RBMS3: variants seen among roughly 807,000 people sequenced by gnomAD.
RBMS3 encodes the protein RNA-binding motif, single-stranded-interacting protein 3.
A neutral mutation model predicts 66.8 loss-of-function variants in RBMS3; 27 were observed. The ratio of observed to expected loss-of-function variants is 0.40; its 90% CI spans 0.30 to 0.56. The LOEUF (loss-of-function observed/expected upper bound fraction) is 0.56, where lower values mean the gene tolerates loss of function less well. RBMS3 is among the 20% of genes least tolerant of loss of function. The pLI is 0.40. For missense variants in RBMS3, 513 were observed against 549.5 expected (o/e 0.93, Z 0.66); for synonymous variants, 188 against 183.0 (o/e 1.03, Z -0.22).
At chr3:29,291,039 G>T (rs1025645) in intron 1 of RBMS3, among the ~76,000 whole-genome samples, 2 of 151,856 alleles carry the variant, frequency 1.3e-5, no homozygotes, top group African/African-American at 4.8e-5. Context: ...ATATTCTTGC[G>T]AAGTGAAAAA....
intron 7 of RBMS3, among the ~76,000 whole-genome samples, chr3:29,883,360 A>G (rs2059782142): frequency 6.6e-6 from 1 of 152,096 alleles, no homozygotes; most frequent in Non-Finnish European, 1.5e-5. Context: ...TCCAAGCTTC[A>G]GTGTCTTCAT....
chr3:29,488,049 G>A (rs949048674), intron 2 of RBMS3, among the ~76,000 whole-genome samples: 15 of 152,258 alleles, frequency 9.9e-5, no homozygotes, highest in Admixed American at 9.8e-4. Flanking sequence ...AGTGAAGTTG[G>A]GTTAAACTCT....
chr3:29,941,153 A>G (rs538310484), intron 11 of RBMS3, among the ~76,000 whole-genome samples: 7 of 151,790 alleles, frequency 4.6e-5, no homozygotes, highest in Admixed American at 4.6e-4. Flanking sequence ...ATGATTTGTG[A>G]TATCATCGAT....
chr3:29,716,407 G>A (rs1044057521), intron 4 of RBMS3, among the ~76,000 whole-genome samples: 3 of 152,094 alleles, frequency 2.0e-5, no homozygotes, highest in African/African-American at 7.2e-5. Flanking sequence ...TGCTAATAAT[G>A]CAAGTCATCG....
At chr3:29,688,742 C>A (rs1295657826) in intron 4 of RBMS3, among the ~76,000 whole-genome samples, 1 of 151,630 alleles carries the variant, frequency 6.6e-6, no homozygotes, top group Non-Finnish European at 1.5e-5. Flanking sequence ...GCCATCACAC[C>A]AAGCTGATTT....
intron 1 of RBMS3, among the ~76,000 whole-genome samples, chr3:29,381,464 T>C (rs1267129212): frequency 6.6e-6 from 1 of 152,182 alleles, no homozygotes; most frequent in Non-Finnish European, 1.5e-5. Flanking sequence ...GAGGTTTGGA[T>C]AGATCCCTGT....
intron 1 of RBMS3, among the ~76,000 whole-genome samples, chr3:29,416,922 C>A (rs1411216266): frequency 1.3e-5 from 2 of 152,074 alleles, no homozygotes; most frequent in Non-Finnish European, 2.9e-5. Flanking sequence ...AAGTTATAAG[C>A]TATTACCATT....
intron 12 of RBMS3, among the ~76,000 whole-genome samples, chr3:29,950,503 G>A (rs924206672): frequency 1.3e-5 from 2 of 151,948 alleles, no homozygotes; most frequent in Non-Finnish European, 2.9e-5. Flanking sequence ...GCACAAAGTG[G>A]GCACTTGAGG....
chr3:29,615,403 A>G (rs1454230032), intron 4 of RBMS3, among the ~76,000 whole-genome samples: 1 of 152,100 alleles, frequency 6.6e-6, no homozygotes, highest in Admixed American at 6.6e-5. Context: ...AATAAAATCT[A>G]TACCATAGGC....
chr3:29,563,691 T>C (rs955937744), intron 3 of RBMS3, among the ~76,000 whole-genome samples: 10 of 152,194 alleles, frequency 6.6e-5, no homozygotes, highest in Non-Finnish European at 1.2e-4. Flanking sequence ...AAACTTCCTG[T>C]TTCCATTATG....
intron 7 of RBMS3, among the ~76,000 whole-genome samples, chr3:29,871,876 T>G (rs1164744580): frequency 1.3e-5 from 2 of 152,202 alleles, no homozygotes; most frequent in Admixed American, 6.5e-5. Context: ...GATAAAAATT[T>G]TATTAGCAAA....
chr3:29,680,744 A>T (rs151151340), intron 4 of RBMS3, among the ~76,000 whole-genome samples: 1 of 151,942 alleles, frequency 6.6e-6, no homozygotes, highest in Non-Finnish European at 1.5e-5. Flanking sequence ...CATTCATCCT[A>T]TTTTTTTCAA....
chr3:30,005,151 TTTG>T lies in RBMS3; in HGVS notation c.*1295_*1297del, dbSNP rs1699771732. On this transcript the variant is annotated 3_prime_UTR_variant, in exon 15 of 15. Coordinates refer to ENST00000383767, the MANE Select transcript of RBMS3 (RefSeq NM_001003793.3). Reference sequence around the variant, plus strand: ...CCGACATGGCCGGACCAGTTCTTTCTTTGTTGTTTGTTTAAACTACCTTCCACT... The same window carrying T: ...CCGACATGGCCGGACCAGTTCTTTCTTTGTTTGTTTAAACTACCTTCCACT... 1 of 151,378 alleles carries T rather than the reference TTTG, an allele frequency of 6.6e-6. No individual in the cohort carries two copies. The highest frequency in any genetic ancestry group is 2.0e-4 in the East Asian group (1 of 5,124). 9.4% of individuals were successfully genotyped at this position (151,378 alleles called of 1,614,324 possible).
At chr3:29,858,812 T>A (rs953669287) in intron 6 of RBMS3, among the ~76,000 whole-genome samples, 6 of 152,226 alleles carry the variant, frequency 3.9e-5, no homozygotes, top group African/African-American at 1.4e-4. Flanking sequence ...ACAATTTTTT[T>A]AAATGATGGT....
chr3:29,647,734 C>T (rs1399552909), intron 4 of RBMS3, among the ~76,000 whole-genome samples: 2 of 152,098 alleles, frequency 1.3e-5, no homozygotes, highest in Non-Finnish European at 2.9e-5. Context: ...TTTCATAGCA[C>T]TCTGATATAG....
intron 4 of RBMS3, among the ~76,000 whole-genome samples, chr3:29,687,048 A>G (rs1390219215): frequency 6.6e-6 from 1 of 152,200 alleles, no homozygotes; most frequent in Admixed American, 6.5e-5. Context: ...ACTAGGAAAG[A>G]ATGAGGTCAT....
chr3:29,773,364 A>G (rs1207378717), intron 6 of RBMS3, among the ~76,000 whole-genome samples: 1 of 152,066 alleles, frequency 6.6e-6, no homozygotes, highest in Non-Finnish European at 1.5e-5. Context: ...AAATAATTTT[A>G]AAAATTAAGT....
intron 6 of RBMS3, among the ~76,000 whole-genome samples, chr3:29,842,942 C>T (rs2058696393): frequency 6.6e-6 from 1 of 152,168 alleles, no homozygotes; most frequent in African/African-American, 2.4e-5. Context: ...GAATTCTGAC[C>T]TCCACAAAAG....
chr3:29,468,706 CCTTT>C (rs1041776757), intron 2 of RBMS3, among the ~76,000 whole-genome samples: 5 of 151,978 alleles, frequency 3.3e-5, no homozygotes, highest in Non-Finnish European at 7.4e-5. Flanking sequence ...AAATTGGCTT[CCTTT>C]TTCTTTTTTC....
Sources: allele counts gnomAD v4.1 joint callset (sites outside exome capture counted in the v4.1 genomes callset), GRCh38; gene constraint gnomAD v4.1.1; transcripts MANE v1.5; gene names NCBI Gene and HGNC (gene_info 2026-07-23, HGNC 2026-07-21).